DPYSL2: variants seen among roughly 807,000 people sequenced by gnomAD.
The protein encoded by DPYSL2 is dihydropyrimidinase-related protein 2.
In DPYSL2, 13 loss-of-function variants were observed where a neutral mutation model predicts 69.9. The observed-to-expected ratio is 0.19, with a 90% CI of 0.12 to 0.30. The LOEUF (loss-of-function observed/expected upper bound fraction) is 0.30, where lower values mean the gene tolerates loss of function less well. Among genes scored for constraint, DPYSL2 ranks in the 10% least tolerant of loss-of-function variants. The pLI, the probability that DPYSL2 is intolerant of heterozygous loss-of-function variation, is 1.00. For synonymous variants in DPYSL2, 326 were observed against 359.1 expected (o/e 0.91, Z 1.04); for missense variants, 587 against 918.9 (o/e 0.64, Z 4.67).
intron 1 of DPYSL2, among the ~76,000 whole-genome samples, chr8:26,561,140 C>T (rs755311458): frequency 6.6e-6 from 1 of 152,102 alleles, no homozygotes; most frequent in African/African-American, 2.4e-5. Context: ...TGAGTTGATG[C>T]CCATCGGATG....
rs898169708 is a variant in DPYSL2 at position 26,571,411 on chromosome 8, G to A, written c.355-10558G>A. Reference sequence around the variant, plus strand: ...GGGACCACGTGCACACTCTTTGTTCGCCACCAGAGGGCAGGCCTGAGGCAC... The same window carrying A: ...GGGACCACGTGCACACTCTTTGTTCACCACCAGAGGGCAGGCCTGAGGCAC... On this transcript the variant is annotated intron_variant, in intron 1 of 13. Coordinates refer to ENST00000521913, the MANE Select transcript of DPYSL2 (RefSeq NM_001197293.3). This position sits in a 1 kb window ranked among gnomAD's most constrained non-coding sequence, Gnocchi z 6.1. Among the ~76,000 whole-genome samples the A allele has an allele frequency of 2.0e-5, 3 of 152,212 alleles. No homozygotes were observed. Among genetic ancestry groups the A allele is most frequent in the Admixed American group, 6.5e-5 (1 of 15,304 alleles).
chr8:26,615,172 CTAGG>C (rs1802316630), intron 3 of DPYSL2, among the ~76,000 whole-genome samples: 1 of 152,184 alleles, frequency 6.6e-6, no homozygotes, highest in South Asian at 2.1e-4. Context: ...CAGCTGAAAA[CTAGG>C]GCCAACCCTG....
In DPYSL2 at chr8:26,551,704, A is replaced by G. The variant is rs190705851; in HGVS notation, c.355-30265A>G. 3.2e-3 allele frequency among the ~76,000 whole-genome samples: 481 copies of G among 152,338 alleles called. 1 individual carries two copies. The highest frequency in any genetic ancestry group is 0.01 in the African/African-American group (431 of 41,584). On this transcript the variant is annotated intron_variant, in intron 1 of 13. Coordinates refer to ENST00000521913, the MANE Select transcript of DPYSL2 (RefSeq NM_001197293.3). ...ATAAAACACACCCTTAACACATTTAAAAGAATAAAAATCATACAAAGTAAG... is the reference window on the plus strand; with the variant it reads ...ATAAAACACACCCTTAACACATTTAGAAGAATAAAAATCATACAAAGTAAG...
intron 1 of DPYSL2, among the ~76,000 whole-genome samples, chr8:26,535,898 TTGTGTGTG>T (rs112620337): frequency 0.015 from 2,085 of 141,250 alleles, 31 homozygotes; most frequent in African/African-American, 0.036. Context: ...TCTCTATGGG[TTGTGTGTG>T]TGTGTGTGTG....
chr8:26,565,846 G>A lies in DPYSL2; in HGVS notation c.355-16123G>A, dbSNP rs532537950. ...AACATCTTCAACACACAGCTCCCAA[G>A]GTTGTCTGGGCAATCATCATCCCGT... On this transcript the variant is annotated intron_variant, in intron 1 of 13. Coordinates refer to ENST00000521913, the MANE Select transcript of DPYSL2 (RefSeq NM_001197293.3). The surrounding 1 kb of genome is among the most constrained non-coding windows in gnomAD (Gnocchi z 4.1). 6.6e-6 allele frequency among the ~76,000 whole-genome samples: 1 copy of A among 152,292 alleles called. No homozygotes were observed. The highest frequency in any genetic ancestry group is 1.9e-4 in the East Asian group (1 of 5,168).
intron 8 of DPYSL2, 40 bp downstream of exon 8, chr8:26,634,940 G>C: frequency 6.2e-7 from 1 of 1,611,292 alleles, no homozygotes; most frequent in Non-Finnish European, 8.5e-7. Flanking sequence ...CAGGTGGGGA[G>C]GTTTGGAGGG....
chr8:26,623,764 G>A (rs1345883627), intron 3 of DPYSL2: 1 of 185,848 alleles, frequency 5.4e-6, no homozygotes. Flanking sequence ...CGTCTGGCGG[G>A]GGGCGTCTCA....
intron 1 of DPYSL2, among the ~76,000 whole-genome samples, chr8:26,531,462 A>G (rs1800509581): frequency 6.6e-6 from 1 of 152,120 alleles, no homozygotes; most frequent in South Asian, 2.1e-4. Context: ...TGGTGTCTGA[A>G]CCCATGAGGT....
chr8:26,582,737 G>C lies in DPYSL2; in HGVS notation c.443+680G>C, dbSNP rs60491201. On this transcript the variant is annotated intron_variant, in intron 2 of 13. Transcript: ENST00000521913. The surrounding 1 kb of genome is among the most constrained non-coding windows in gnomAD (Gnocchi z 4.1). Reference sequence around the variant, plus strand: ...TGCCCTTTCTACTGGGGTAGCTCCCGGGGCTCTGGAGAAATAGCACATCTG... The same window carrying C: ...TGCCCTTTCTACTGGGGTAGCTCCCCGGGCTCTGGAGAAATAGCACATCTG... 0.025 allele frequency among the ~76,000 whole-genome samples: 3,730 copies of C among 152,184 alleles called. 140 individuals are homozygous for C. Among genetic ancestry groups the C allele is most frequent in the African/African-American group, 0.084 (3,478 of 41,502 alleles).
Position 26,582,082 on chromosome 8 carries a change from A to G in DPYSL2, c.443+25A>G. The G allele has an allele frequency of 6.3e-7, 1 of 1,577,744 alleles. No homozygotes were observed. Among genetic ancestry groups the G allele is most frequent in the Non-Finnish European group, 8.7e-7 (1 of 1,148,212 alleles). On this transcript the variant is annotated intron_variant, in intron 2 of 13. Coordinates refer to ENST00000521913, the MANE Select transcript of DPYSL2 (RefSeq NM_001197293.3). The surrounding 1 kb of genome is among the most constrained non-coding windows in gnomAD (Gnocchi z 4.1). Reference sequence around the variant, plus strand: ...AGTAAGTGTAACTCATGATATACAGATGTATTTGAACACTTTCCAGACTTC... The same window carrying G: ...AGTAAGTGTAACTCATGATATACAGGTGTATTTGAACACTTTCCAGACTTC...
intron 1 of DPYSL2, among the ~76,000 whole-genome samples, chr8:26,553,897 G>T (rs1482825027): frequency 8.9e-6 from 1 of 111,766 alleles, no homozygotes. Context: ...TTATTTTTGG[G>T]CTTTTTTTTT....
At chr8:26,636,166 T>C (rs1563421057) in intron 8 of DPYSL2, among the ~76,000 whole-genome samples, 1 of 148,592 alleles carries the variant, frequency 6.7e-6, no homozygotes, top group Admixed American at 6.7e-5. Context: ...CTTTTAGAAA[T>C]AAGAAAGCAT....
chr8:26,562,674 G>A lies in DPYSL2; in HGVS notation c.355-19295G>A, dbSNP rs527409361. On this transcript the variant is annotated intron_variant, in intron 1 of 13. Transcript: ENST00000521913. This position sits in a 1 kb window ranked among gnomAD's most constrained non-coding sequence, Gnocchi z 4.9. ...TCGGTTGTACAAAGCAGATGTTACTGTGTAACAAATAGCCCCAAAATATAG... is the reference window on the plus strand; with the variant it reads ...TCGGTTGTACAAAGCAGATGTTACTATGTAACAAATAGCCCCAAAATATAG... Among the ~76,000 whole-genome samples, 5 of 152,318 alleles carry A rather than the reference G, an allele frequency of 3.3e-5. 1 individual carries two copies. The South Asian group carries it at 1.0e-3, about 32-fold the overall frequency.
intron 1 of DPYSL2, among the ~76,000 whole-genome samples, chr8:26,523,822 G>C (rs1808430988): frequency 6.6e-6 from 1 of 151,952 alleles, no homozygotes; most frequent in Non-Finnish European, 1.5e-5. Flanking sequence ...CACTGCCCCT[G>C]GCCCAGAATT....
chr8:26,522,921 G>T (rs1808412470), intron 1 of DPYSL2, among the ~76,000 whole-genome samples: 1 of 151,984 alleles, frequency 6.6e-6, no homozygotes, highest in African/African-American at 2.4e-5. Flanking sequence ...CTTAAAAACT[G>T]CTGGATCATC....
Position 26,644,039 on chromosome 8 carries a change from A to G in DPYSL2, c.1373A>G (p.Glu458Gly). ...AAGGACAACTTCACCCTGATTCCGG[A>G]GGGCACCAATGGCACTGAGGAGCGG... ...VGKDNFTLIP[E>G]GTNGTEERMS... The change falls in exon 10 of 14, where the codon GAG becomes GGG. Residue 458 changes from glutamate (E) to glycine (G), a missense_variant. Transcript: ENST00000521913. This position sits in a 1 kb window ranked among gnomAD's most constrained non-coding sequence, Gnocchi z 4.5. 6.2e-7 allele frequency: 1 copy of G among 1,614,236 alleles called. No individual in the cohort carries two copies. Among genetic ancestry groups the G allele is most frequent in the Non-Finnish European group, 8.5e-7 (1 of 1,180,042 alleles).
At chr8:26,523,493 T>G (rs978147700) in intron 1 of DPYSL2, among the ~76,000 whole-genome samples, 1 of 152,146 alleles carries the variant, frequency 6.6e-6, no homozygotes, top group African/African-American at 2.4e-5. Flanking sequence ...TCCCAGCCCC[T>G]GGCAATCACC....
Position 26,626,749 on chromosome 8 carries a change from G to A in DPYSL2, c.855+71G>A, listed in dbSNP as rs1453421599. 1.3e-6 allele frequency: 2 copies of A among 1,512,246 alleles called. No homozygotes were observed. The highest frequency in any genetic ancestry group is 2.8e-5 in the African/African-American group (2 of 72,586). 93.7% of individuals were successfully genotyped at this position (1,512,246 alleles called of 1,614,324 possible). A position where few individuals can be genotyped will look rare whatever the true frequency, so the allele number is the denominator to read the frequency against. ...CTTCAGGCTGTGGCCGTTTGGGAAA[G>A]CAGTCTCCGATGTATGCATGTTTCC... On this transcript the variant is annotated intron_variant, in intron 5 of 13. Transcript: ENST00000521913. This position sits in a 1 kb window ranked among gnomAD's most constrained non-coding sequence, Gnocchi z 4.3.
At chr8:26,592,831 TTC>T (rs1242450077) in intron 3 of DPYSL2, among the ~76,000 whole-genome samples, 11 of 152,272 alleles carry the variant, frequency 7.2e-5, no homozygotes, top group Admixed American at 3.9e-4. Context: ...GATTTGTGTT[TTC>T]TGACTTAACC....
Sources: gnomAD v4.1 joint callset for allele counts (sites outside exome capture counted in the v4.1 genomes callset) on GRCh38, gnomAD v4.1.1 for gene constraint, Gnocchi (gnomAD v3.1) non-coding constraint, MANE v1.5 for transcripts, NCBI Gene and HGNC (gene_info 2026-07-23, HGNC 2026-07-21) for gene names.